Variants in CLSTN2 observed in about 807,000 individuals in gnomAD.
The protein encoded by CLSTN2 is calsyntenin-2.
Under a neutral mutation model 101.2 loss-of-function variants are expected in CLSTN2, and 48 were observed. The ratio of observed to expected loss-of-function variants is 0.47; its 90% CI spans 0.38 to 0.60. The LOEUF is 0.60. Ranked by LOEUF, CLSTN2 falls within the 20% of genes least tolerant of loss-of-function variation. The pLI is 0.00. For missense variants in CLSTN2, 1,160 were observed against 1,238.2 expected (o/e 0.94, Z 0.95); for synonymous variants, 481 against 463.6 (o/e 1.04, Z -0.48).
rs139956917 is a variant in CLSTN2 at position 140,504,371 on chromosome 3, A to T, written c.1345-27953A>T. Among the ~76,000 whole-genome samples the T allele has an allele frequency of 3.1e-3, 473 of 152,312 alleles. 4 individuals are homozygous for T. Among genetic ancestry groups the T allele is most frequent in the African/African-American group, 0.01 (434 of 41,568 alleles). On this transcript the variant is annotated intron_variant, in intron 8 of 16. Coordinates refer to ENST00000458420, the MANE Select transcript of CLSTN2 (RefSeq NM_022131.3). ...AGGAATATTTTTCTCATGCCAAAAAAAAAAAGGTGGTGCTCCACTATTCTG... is the reference window on the plus strand; with the variant it reads ...AGGAATATTTTTCTCATGCCAAAAATAAAAAGGTGGTGCTCCACTATTCTG...
At chr3:140,125,726 A>G (rs1037339295) in intron 1 of CLSTN2, among the ~76,000 whole-genome samples, 1 of 152,070 alleles carries the variant, frequency 6.6e-6, no homozygotes, top group Non-Finnish European at 1.5e-5. Flanking sequence ...CCTCATTGTC[A>G]CTGTTTACGT....
chr3:140,316,742 C>A (rs2087235049), intron 2 of CLSTN2, among the ~76,000 whole-genome samples: 1 of 152,030 alleles, frequency 6.6e-6, no homozygotes, highest in Non-Finnish European at 1.5e-5. Flanking sequence ...TAATGTGTGA[C>A]CAGAAGCTGT....
chr3:140,444,224 G>T (rs538116112), intron 5 of CLSTN2, among the ~76,000 whole-genome samples: 34 of 152,284 alleles, frequency 2.2e-4, no homozygotes, highest in African/African-American at 7.9e-4. Flanking sequence ...AAGGTCAGGA[G>T]TTCGAGACCA....
chr3:139,970,593 C>G lies in CLSTN2; in HGVS notation c.109+35110C>G, dbSNP rs149659179. Among the ~76,000 whole-genome samples the G allele has an allele frequency of 4.6e-5, 7 of 152,308 alleles. No homozygotes were observed. The East Asian group carries it at 9.6e-4, about 21-fold the overall frequency. ...CATCTGGACCATTTCGGTGATGATG[C>G]TTGTCACAAATGACCTGTAAATGGC... On this transcript the variant is annotated intron_variant, in intron 1 of 16. Transcript: ENST00000458420.
intron 11 of CLSTN2, 74 bp downstream of exon 11, chr3:140,556,735 A>G: frequency 2.1e-6 from 3 of 1,461,134 alleles, no homozygotes; most frequent in Non-Finnish European, 2.8e-6. Flanking sequence ...TCCCTTGGGA[A>G]TGTTCCCTCA....
intron 4 of CLSTN2, 103 bp downstream of exon 4, chr3:140,404,869 T>C: frequency 1.0e-6 from 1 of 964,682 alleles, no homozygotes; most frequent in Non-Finnish European, 1.6e-6. Context: ...AAGTTATGCC[T>C]TTCTTGCCAT....
At chr3:140,383,430 G>C (rs1328287100) in intron 2 of CLSTN2, among the ~76,000 whole-genome samples, 1 of 152,312 alleles carries the variant, frequency 6.6e-6, no homozygotes, top group East Asian at 1.9e-4. Context: ...TAAGCTTATC[G>C]TGGAAGTTCT....
At chr3:139,949,032 G>A (rs897504248) in intron 1 of CLSTN2, among the ~76,000 whole-genome samples, 21 of 152,108 alleles carry the variant, frequency 1.4e-4, no homozygotes, top group African/African-American at 4.8e-4. Flanking sequence ...TGTCTGCTGT[G>A]CACACTGCTC....
In CLSTN2 at chr3:140,028,197, G is replaced by A. The variant is rs73867274; in HGVS notation, c.109+92714G>A. Among the ~76,000 whole-genome samples the A allele has an allele frequency of 2.4e-3, 370 of 152,254 alleles. 3 individuals are homozygous for A. The highest frequency in any genetic ancestry group is 8.6e-3 in the African/African-American group (359 of 41,560). ...TTGGGGGAATAGCAGCAACCTGGAG[G>A]GAAGGTCGTGTTTCTTAAGTAGAAG... On this transcript the variant is annotated intron_variant, in intron 1 of 16. Transcript: ENST00000458420.
At chr3:140,556,794 T>G (rs1935805475) in intron 11 of CLSTN2, 133 bp downstream of exon 11, 2 of 789,736 alleles carry the variant, frequency 2.5e-6, no homozygotes, top group South Asian at 3.6e-5. Flanking sequence ...CTGCTATTCC[T>G]CTGAGGATGC....
At chr3:139,990,691 T>C (rs1276492183) in intron 1 of CLSTN2, among the ~76,000 whole-genome samples, 2 of 152,250 alleles carry the variant, frequency 1.3e-5, no homozygotes, top group Non-Finnish European at 2.9e-5. Context: ...AACAGGTAGA[T>C]GTCATGTGAC....
At chr3:140,183,895 T>C (rs983963518) in intron 2 of CLSTN2, among the ~76,000 whole-genome samples, 1 of 152,256 alleles carries the variant, frequency 6.6e-6, no homozygotes, top group African/African-American at 2.4e-5. Flanking sequence ...ACAGTAGTAA[T>C]GGTGAAGTTG....
chr3:140,511,733 A>G (rs1326402304), intron 8 of CLSTN2, among the ~76,000 whole-genome samples: 2 of 123,484 alleles, frequency 1.6e-5, no homozygotes, highest in East Asian at 2.4e-4. Flanking sequence ...TTTTTTTTGT[A>G]TTTTTAGTAG....
Position 140,569,932 on chromosome 3 carries a change from G to C in CLSTN2, c.*3679G>C, listed in dbSNP as rs1286752502. ...GATCTCAGGTGATCTGCCCACCTTG[G>C]CCTCCAAGGTAATGAGATTATAGGA... On this transcript the variant is annotated 3_prime_UTR_variant, in exon 17 of 17. Transcript: ENST00000458420. 1 of 152,104 alleles carries C rather than the reference G, an allele frequency of 6.6e-6. No individual in the cohort carries two copies. The highest frequency in any genetic ancestry group is 2.4e-5 in the African/African-American group (1 of 41,414). 9.4% of individuals were successfully genotyped at this position (152,104 alleles called of 1,614,324 possible).
intron 2 of CLSTN2, among the ~76,000 whole-genome samples, chr3:140,278,886 A>G (rs1464456766): frequency 2.0e-4 from 31 of 151,912 alleles, no homozygotes; most frequent in Admixed American, 2.0e-3. Flanking sequence ...TGCCTGGCTA[A>G]TGGTTTTAAT....
chr3:140,562,259 CCAA>C lies in CLSTN2; in HGVS notation c.2165_2167del (p.Gln722del). ...TGGAGCTCAACCACAGTGAGCTCCA[CCAA>C]CGACACCTGGATGCCACTAATTCTA... is the stretch of plus-strand genomic sequence containing the variant. On this transcript the variant is annotated inframe_deletion, in exon 13 of 17. Coordinates refer to ENST00000458420, the MANE Select transcript of CLSTN2 (RefSeq NM_022131.3). The C allele has an allele frequency of 2.5e-6, 4 of 1,613,872 alleles. No homozygotes were observed. Among genetic ancestry groups the C allele is most frequent in the Non-Finnish European group, 3.4e-6 (4 of 1,179,874 alleles).
intron 1 of CLSTN2, among the ~76,000 whole-genome samples, chr3:140,142,389 A>G (rs2009715125): frequency 6.6e-6 from 1 of 152,156 alleles, no homozygotes; most frequent in African/African-American, 2.4e-5. Flanking sequence ...GGGACTGTTC[A>G]GGCCCACACT....
intron 4 of CLSTN2, among the ~76,000 whole-genome samples, chr3:140,408,273 G>T (rs1559861148): frequency 6.6e-6 from 1 of 152,114 alleles, no homozygotes; most frequent in Non-Finnish European, 1.5e-5. Flanking sequence ...GAGCTTTCAG[G>T]ACACTCCCCC....
chr3:140,316,127 A>G (rs1353350227), intron 2 of CLSTN2, among the ~76,000 whole-genome samples: 5 of 152,162 alleles, frequency 3.3e-5, no homozygotes, highest in African/African-American at 9.7e-5. Context: ...ACTGTGATAA[A>G]TGAAACCCAG....
Sources: allele counts gnomAD v4.1 joint callset (sites outside exome capture counted in the v4.1 genomes callset), GRCh38; gene constraint gnomAD v4.1.1; transcripts MANE v1.5; gene names NCBI Gene and HGNC (gene_info 2026-07-23, HGNC 2026-07-21).